Variants in SPIN1 observed in about 807,000 individuals in gnomAD.
SPIN1 encodes the protein spindlin-1.
SPIN1 carries 3 observed loss-of-function variants against 26.0 expected under a neutral mutation model. That is an observed-to-expected ratio of 0.12 (90% confidence interval 0.05 to 0.30). SPIN1 has a LOEUF of 0.30. Ranked by LOEUF, SPIN1 falls within the 10% of genes least tolerant of loss-of-function variation. The pLI, the probability that SPIN1 is intolerant of heterozygous loss-of-function variation, is 1.00. For synonymous variants in SPIN1, 101 were observed against 116.5 expected, an observed-to-expected ratio of 0.87 and a Z score of 0.86; for missense variants, 126 against 333.4, an observed-to-expected ratio of 0.38 and a Z score of 4.84.
At chr9:88,423,025 T>C (rs1024557790) in intron 1 of SPIN1, among the ~76,000 whole-genome samples, 8 of 152,326 alleles carry the variant, frequency 5.3e-5, no homozygotes, top group South Asian at 4.1e-4. Context: ...AGGACTCTTA[T>C]CTGGAGTTTT....
intron 5 of SPIN1, among the ~76,000 whole-genome samples, chr9:88,471,774 G>A (rs1828793554): frequency 6.7e-6 from 1 of 150,208 alleles, no homozygotes; most frequent in Admixed American, 6.7e-5. Flanking sequence ...GTGCTGCATT[G>A]TCTTGATTAC....
intron 5 of SPIN1, among the ~76,000 whole-genome samples, chr9:88,470,862 G>T (rs371864401): frequency 6.6e-6 from 1 of 152,190 alleles, no homozygotes; most frequent in Non-Finnish European, 1.5e-5. Flanking sequence ...CCAAAGGGCC[G>T]GGATTACAGA....
chr9:88,411,230 T>G, intron 1 of SPIN1: 1 of 1,152,598 alleles, frequency 8.7e-7, no homozygotes, highest in Non-Finnish European at 1.3e-6. Flanking sequence ...TCTGTTCACC[T>G]TGTGTGGCCT....
intron 1 of SPIN1, chr9:88,411,441 T>G (rs1445814116): frequency 1.1e-5 from 17 of 1,513,428 alleles, no homozygotes; most frequent in South Asian, 7.0e-5. Flanking sequence ...TCGGGCTCTT[T>G]AGGAGACTTG....
chr9:88,438,324 ATGT>A (rs1221650136), intron 2 of SPIN1, among the ~76,000 whole-genome samples: 1 of 152,084 alleles, frequency 6.6e-6, no homozygotes, highest in East Asian at 1.9e-4. Context: ...GCTTAGAAGT[ATGT>A]TGTTCAATCT....
intron 2 of SPIN1, among the ~76,000 whole-genome samples, chr9:88,437,853 G>A (rs1828038351): frequency 6.6e-6 from 1 of 151,988 alleles, no homozygotes; most frequent in Non-Finnish European, 1.5e-5. Flanking sequence ...CAGAAGCTTA[G>A]ATTATTGACT....
rs911491820 is a variant in SPIN1 at position 88,401,070 on chromosome 9, T to C, written c.-159+12532T>C. 2.0e-5 allele frequency among the ~76,000 whole-genome samples: 3 copies of C among 152,174 alleles called. No homozygotes were observed. The East Asian group carries it at 5.8e-4, about 29-fold the overall frequency. ...TGCATAGCCCTTAAATAACTTGCAT[T>C]GTTGGTGGAACTGTACTTTGCTAGG... On this transcript the variant is annotated intron_variant, in intron 1 of 5. Transcript: ENST00000375859.
chr9:88,400,258 T>C (rs60069984), intron 1 of SPIN1, among the ~76,000 whole-genome samples: 11,641 of 152,140 alleles, frequency 0.077, 1,401 homozygotes, highest in African/African-American at 0.26. Flanking sequence ...TCTAAAAGAT[T>C]GTATAGTTTT....
intron 1 of SPIN1, chr9:88,411,119 T>G (rs1413863001): frequency 6.6e-7 from 1 of 1,516,292 alleles, no homozygotes; most frequent in Non-Finnish European, 9.0e-7. Flanking sequence ...TTCTTTAGTG[T>G]CTTCTTTAAT....
intron 1 of SPIN1, among the ~76,000 whole-genome samples, chr9:88,419,225 G>GCTCCACCCTGACTCATT (rs1035172070): frequency 2.6e-5 from 4 of 152,028 alleles, no homozygotes; most frequent in Admixed American, 2.6e-4. Context: ...CTGATTACCT[G>GCTCCACCCTGACTCATT]CTCCACCCTG....
chr9:88,457,871 T>C (rs908895696), intron 3 of SPIN1: 2 of 984,886 alleles, frequency 2.0e-6, no homozygotes, highest in African/African-American at 3.5e-5. Context: ...CCTTTCTTGT[T>C]TCTAAATTAA....
intron 1 of SPIN1, chr9:88,411,099 T>C (rs980902913): frequency 1.3e-6 from 2 of 1,523,306 alleles, no homozygotes. Context: ...AAATAATCTC[T>C]TAGGTGATGT....
At chr9:88,428,514 TTCTTTTTCA>T (rs1173332229) in intron 2 of SPIN1, among the ~76,000 whole-genome samples, 2 of 152,256 alleles carry the variant, frequency 1.3e-5, no homozygotes, top group Non-Finnish European at 2.9e-5. Flanking sequence ...CTTGATTTCA[TTCTTTTTCA>T]TGGCTGTGAA....
intron 2 of SPIN1, among the ~76,000 whole-genome samples, chr9:88,438,227 T>C (rs1342555380): frequency 6.6e-6 from 1 of 152,206 alleles, no homozygotes; most frequent in East Asian, 1.9e-4. Context: ...GCACTGCTTT[T>C]GCTCAGTGTT....
Position 88,411,912 on chromosome 9 carries a change from G to T in SPIN1, c.-158-14470G>T, listed in dbSNP as rs139543614. Reference sequence around the variant, plus strand: ...TTTGAGGCCGGGTGCGGTGGCTCATGCCTGTAATCAGCACTATGGGAGGCC... The same window carrying T: ...TTTGAGGCCGGGTGCGGTGGCTCATTCCTGTAATCAGCACTATGGGAGGCC... On this transcript the variant is annotated intron_variant, in intron 1 of 5. Transcript: ENST00000375859. Among the ~76,000 whole-genome samples, 1,395 of 152,116 alleles carry T rather than the reference G, an allele frequency of 9.2e-3. 10 individuals are homozygous for T. Among genetic ancestry groups the T allele is most frequent in the Non-Finnish European group, 0.014 (981 of 67,994 alleles).
At chr9:88,450,113 A>G (rs1018035816) in intron 3 of SPIN1, among the ~76,000 whole-genome samples, 2 of 152,190 alleles carry the variant, frequency 1.3e-5, no homozygotes, top group Non-Finnish European at 2.9e-5. Flanking sequence ...TAGTTTCTCA[A>G]ATTTTATCCA....
chr9:88,406,007 G>C (rs1827300006), intron 1 of SPIN1, among the ~76,000 whole-genome samples: 1 of 63,790 alleles, frequency 1.6e-5, no homozygotes, highest in Non-Finnish European at 2.8e-5. Flanking sequence ...TTGTGTGTCT[G>C]TGTGTGTGTG....
At chr9:88,424,442 A>G (rs1827727712) in intron 1 of SPIN1, among the ~76,000 whole-genome samples, 1 of 152,228 alleles carries the variant, frequency 6.6e-6, no homozygotes, top group Non-Finnish European at 1.5e-5. Flanking sequence ...GGGTTTTGCC[A>G]TACAACAGTG....
chr9:88,469,123 G>GGT (rs1232838909), intron 5 of SPIN1, among the ~76,000 whole-genome samples: 1 of 152,112 alleles, frequency 6.6e-6, no homozygotes, highest in Non-Finnish European at 1.5e-5. Flanking sequence ...TTGGGGGTTG[G>GGT]GTGTGGATAT....
Sources: gnomAD v4.1 joint callset for allele counts (sites outside exome capture counted in the v4.1 genomes callset) on GRCh38, gnomAD v4.1.1 for gene constraint, MANE v1.5 for transcripts, NCBI Gene and HGNC (gene_info 2026-07-23, HGNC 2026-07-21) for gene names.